The following RAI14 variants were observed in gnomAD, a reference collection of about 807,000 sequenced individuals.
The protein encoded by RAI14 is retinoic acid induced 14.
RAI14 carries 45 observed loss-of-function variants against 115.4 expected under a neutral mutation model. The observed-to-expected ratio is 0.39, with a 90% CI of 0.31 to 0.50. The LOEUF is 0.50. Among genes scored for constraint, RAI14 ranks in the 20% least tolerant of loss-of-function variants. The pLI, the probability that RAI14 is intolerant of heterozygous loss-of-function variation, is 0.85. For missense variants in RAI14, 939 were observed against 1,131.2 expected (o/e 0.83, Z 2.44); for synonymous variants, 371 against 415.4 (o/e 0.89, Z 1.30).
chr5:34,736,198 C>T (rs1032798696), intron 2 of RAI14, among the ~76,000 whole-genome samples: 19 of 152,262 alleles, frequency 1.2e-4, no homozygotes, highest in African/African-American at 4.6e-4. Flanking sequence ...GTCAGGAATT[C>T]GACACCAGGC....
chr5:34,807,719 T>C, intron 5 of RAI14, 81 bp from the exon 6 acceptor site: 1 of 1,092,792 alleles, frequency 9.2e-7, no homozygotes, highest in East Asian at 2.4e-5. Flanking sequence ...AGTCACATCA[T>C]ACCTTGCAGG....
chr5:34,830,783 G>A lies in RAI14; in HGVS notation c.*18G>A, dbSNP rs1580393056. ...AGAAGTAAAGTGGATTCCTTGGCAG[G>A]ACACTGCCCCTTGTCATCTGTCTTT... is the stretch of plus-strand genomic sequence containing the variant. On this transcript the variant is annotated 3_prime_UTR_variant, in exon 18 of 18. Coordinates refer to ENST00000265109, the MANE Select transcript of RAI14 (RefSeq NM_015577.3). 6.2e-7 allele frequency: 1 copy of A among 1,613,748 alleles called. No individual in the cohort carries two copies. Among genetic ancestry groups the A allele is most frequent in the Non-Finnish European group, 8.5e-7 (1 of 1,179,792 alleles).
At chr5:34,822,863 T>C in intron 14 of RAI14, 93 bp from the exon 15 acceptor site, 1 of 1,155,608 alleles carries the variant, frequency 8.7e-7, no homozygotes, top group Non-Finnish European at 1.2e-6. Flanking sequence ...TTTTGTATTT[T>C]TTTTTAGTAG....
chr5:34,711,134 G>A (rs766730728), intron 2 of RAI14, among the ~76,000 whole-genome samples: 8 of 152,280 alleles, frequency 5.3e-5, no homozygotes, highest in Non-Finnish European at 7.3e-5. Context: ...GGTTTCATGC[G>A]CGTCCGTGTG....
intron 2 of RAI14, among the ~76,000 whole-genome samples, chr5:34,730,691 A>G (rs1389569372): frequency 2.0e-5 from 3 of 152,126 alleles, no homozygotes; most frequent in Admixed American, 6.6e-5. Context: ...AAAATAAAAA[A>G]TAAAAACAGG....
chr5:34,714,637 C>T (rs1741786650), intron 2 of RAI14, among the ~76,000 whole-genome samples: 1 of 152,148 alleles, frequency 6.6e-6, no homozygotes, highest in Admixed American at 6.5e-5. Flanking sequence ...TAATAATTAA[C>T]CCTGTTTTGT....
intron 2 of RAI14, among the ~76,000 whole-genome samples, chr5:34,745,545 G>A (rs1746051578): frequency 6.6e-6 from 1 of 152,092 alleles, no homozygotes; most frequent in African/African-American, 2.4e-5. Flanking sequence ...CAATCCCATA[G>A]TCATTGCAGG....
At chr5:34,768,952 G>C (rs1749785353) in intron 3 of RAI14, among the ~76,000 whole-genome samples, 1 of 151,504 alleles carries the variant, frequency 6.6e-6, no homozygotes, top group Admixed American at 6.6e-5. Context: ...TGGTGCCACT[G>C]CACTCCAGCT....
chr5:34,718,043 C>T (rs935254674), intron 2 of RAI14, among the ~76,000 whole-genome samples: 4 of 151,942 alleles, frequency 2.6e-5, no homozygotes, highest in Non-Finnish European at 5.9e-5. Context: ...CTCTTTTGAC[C>T]ACAATCACTG....
At chr5:34,738,000 C>G (rs1745074413) in intron 2 of RAI14, among the ~76,000 whole-genome samples, 1 of 152,158 alleles carries the variant, frequency 6.6e-6, no homozygotes, top group African/African-American at 2.4e-5. Context: ...CAAAGAACTT[C>G]TCTTCTTTTG....
At chr5:34,766,559 C>T (rs1749399896) in intron 3 of RAI14, among the ~76,000 whole-genome samples, 1 of 152,170 alleles carries the variant, frequency 6.6e-6, no homozygotes, top group Non-Finnish European at 1.5e-5. Flanking sequence ...TTGCCCAATA[C>T]CTGTACCCCC....
intron 1 of RAI14, chr5:34,685,556 C>T (rs900492849): frequency 5.4e-5 from 8 of 149,126 alleles, no homozygotes; most frequent in Non-Finnish European, 1.2e-4. Context: ...CCTATACCCC[C>T]CAAACTATTG....
At chr5:34,781,367 T>A (rs1468918504) in intron 3 of RAI14, among the ~76,000 whole-genome samples, 7 of 152,032 alleles carry the variant, frequency 4.6e-5, no homozygotes, top group African/African-American at 1.7e-4. Flanking sequence ...AAGTATAATT[T>A]AAAAAAATAA....
At chr5:34,830,432 C>T (rs1757923780) in intron 17 of RAI14, among the ~76,000 whole-genome samples, 1 of 152,206 alleles carries the variant, frequency 6.6e-6, no homozygotes, top group African/African-American at 2.4e-5. Flanking sequence ...CTCACATTTG[C>T]AACTGAGACC....
At chr5:34,747,703 A>C (rs1335478747) in intron 2 of RAI14, among the ~76,000 whole-genome samples, 2 of 152,204 alleles carry the variant, frequency 1.3e-5, no homozygotes, top group Non-Finnish European at 2.9e-5. Context: ...TGGGTCTTTA[A>C]AATTATTTAA....
At chr5:34,749,872 T>C (rs1746766066) in intron 2 of RAI14, among the ~76,000 whole-genome samples, 1 of 152,230 alleles carries the variant, frequency 6.6e-6, no homozygotes, top group African/African-American at 2.4e-5. Context: ...AAGTGAGCCA[T>C]ATTCAATAAA....
chr5:34,720,215 A>G (rs1238860940), intron 2 of RAI14, among the ~76,000 whole-genome samples: 1 of 152,164 alleles, frequency 6.6e-6, no homozygotes, highest in Non-Finnish European at 1.5e-5. Context: ...ACCAAAAAGA[A>G]GTTTCGCAGA....
intron 8 of RAI14, 47 bp from the exon 9 acceptor site, chr5:34,811,720 T>C (rs1340016306): frequency 4.6e-6 from 7 of 1,505,856 alleles, no homozygotes; most frequent in Non-Finnish European, 6.3e-6. Context: ...CAAGAAAGAC[T>C]TTTTACATTC....
intron 17 of RAI14, 160 bp downstream of exon 17, chr5:34,829,957 G>A (rs1757855466): frequency 1.7e-6 from 1 of 602,880 alleles, no homozygotes; most frequent in Non-Finnish European, 2.9e-6. Flanking sequence ...TTTGGATTCT[G>A]TGTCAGGAGC....
Sources: gnomAD v4.1 joint callset for allele counts (sites outside exome capture counted in the v4.1 genomes callset) on GRCh38, gnomAD v4.1.1 for gene constraint, MANE v1.5 for transcripts, NCBI Gene and HGNC (gene_info 2026-07-23, HGNC 2026-07-21) for gene names.